The following SMPD3 variants were observed in gnomAD, a reference collection of about 807,000 sequenced individuals.
The protein encoded by SMPD3 is sphingomyelin phosphodiesterase 3.
SMPD3 carries 21 observed loss-of-function variants against 55.7 expected under a neutral mutation model. That is an observed-to-expected ratio of 0.38 (90% confidence interval 0.27 to 0.54). The LOEUF is 0.54. SMPD3 is among the 20% of genes least tolerant of loss of function. SMPD3 has a pLI of 0.80. For missense variants in SMPD3, 842 were observed against 899.6 expected (o/e 0.94, Z 0.82); for synonymous variants, 457 against 404.3 (o/e 1.13, Z -1.56).
rs371929315 is a variant in SMPD3 at position 68,371,503 on chromosome 16, C to T, written c.679G>A (p.Gly227Ser). 43 of 1,599,062 alleles carry T rather than the reference C, an allele frequency of 2.7e-5. 1 individual carries two copies. The highest frequency in any genetic ancestry group is 2.8e-5 in the Non-Finnish European group (33 of 1,179,556). The part of the protein sequence containing the change: ...GRHPGDEAAN[G>S]PASGDPVDSS... ...TCGACAGGGTCCCCAGAGGCTGGGC[C>T]GTTGGCAGCCTCGTCACCGGGGTGC... The change falls in exon 3 of 9, where the codon GGC (glycine) becomes AGC (serine). Residue 227 changes from glycine to serine, a missense_variant. This residue lies in a region of SMPD3 where 649 missense variants were observed against 643.6 expected (regional missense o/e 1.01). Transcript: ENST00000219334.
intron 2 of SMPD3, 116 bp from the exon 3 acceptor site, chr16:68,372,503 T>A: frequency 2.3e-6 from 1 of 426,044 alleles, no homozygotes; most frequent in Non-Finnish European, 4.3e-6. Context: ...AGTGGGACAG[T>A]TCTGAGAACC....
intron 2 of SMPD3, among the ~76,000 whole-genome samples, chr16:68,382,385 G>T (rs749620350): frequency 2.6e-5 from 4 of 152,246 alleles, no homozygotes; most frequent in Non-Finnish European, 5.9e-5. Flanking sequence ...GCAGGGGCAG[G>T]CTGGGCAGCA....
At chr16:68,390,166 C>T (rs532777780) in intron 1 of SMPD3, among the ~76,000 whole-genome samples, 4 of 152,180 alleles carry the variant, frequency 2.6e-5, no homozygotes, top group Non-Finnish European at 5.9e-5. Flanking sequence ...TAAACTGTCA[C>T]GGCGCTGGTG....
intron 3 of SMPD3, chr16:68,369,603 T>C (rs2089592957): frequency 6.6e-6 from 1 of 152,222 alleles, no homozygotes; most frequent in African/African-American, 2.4e-5. Context: ...CAAAAATATA[T>C]CCAGGGAACA....
intron 1 of SMPD3, among the ~76,000 whole-genome samples, chr16:68,443,867 T>C (rs2090586743): frequency 6.6e-6 from 1 of 151,964 alleles, no homozygotes; most frequent in South Asian, 2.1e-4. Flanking sequence ...ACTTCCAGAG[T>C]TTGAGATCCA....
Position 68,358,588 on chromosome 16 carries a change from C to T in SMPD3, c.*2618G>A. On this transcript the variant is annotated 3_prime_UTR_variant, in exon 9 of 9. Transcript: ENST00000219334. ...TAAAAAAGTTTTTATAACAGTATTT[C>T]TAAATCTCAGCAAGTTAAAAAGCAA... 1 of 152,670 alleles carries T rather than the reference C, an allele frequency of 6.6e-6. No individual in the cohort carries two copies. The highest frequency in any genetic ancestry group is 1.9e-4 in the East Asian group (1 of 5,344). 9.5% of individuals were successfully genotyped at this position (152,670 alleles called of 1,614,324 possible). A position where few individuals can be genotyped will look rare whatever the true frequency, so the allele number is the denominator to read the frequency against.
chr16:68,416,403 TC>T (rs1406629464), intron 1 of SMPD3, among the ~76,000 whole-genome samples: 5 of 152,118 alleles, frequency 3.3e-5, no homozygotes, highest in African/African-American at 9.7e-5. Flanking sequence ...GTCCCACTCT[TC>T]CCTCCACAAA....
intron 1 of SMPD3, among the ~76,000 whole-genome samples, chr16:68,414,916 G>A (rs747219333): frequency 6.6e-6 from 1 of 152,218 alleles, no homozygotes; most frequent in Non-Finnish European, 1.5e-5. Context: ...GACAGTGACA[G>A]TGAGAGGGAG....
intron 7 of SMPD3, among the ~76,000 whole-genome samples, chr16:68,362,667 CAT>C (rs2089344306): frequency 6.6e-6 from 1 of 152,254 alleles, no homozygotes; most frequent in Non-Finnish European, 1.5e-5. Context: ...GGCCTGCAAA[CAT>C]GGGCTTCCAC....
intron 1 of SMPD3, among the ~76,000 whole-genome samples, chr16:68,390,908 G>A (rs1402545203): frequency 6.6e-6 from 1 of 152,132 alleles, no homozygotes. Context: ...TGGCTGGTGA[G>A]AGGAGCTACC....
At chr16:68,440,847 A>T (rs2090559971) in intron 1 of SMPD3, among the ~76,000 whole-genome samples, 1 of 152,194 alleles carries the variant, frequency 6.6e-6, no homozygotes, top group Non-Finnish European at 1.5e-5. Context: ...AGAGCTCTTG[A>T]GTCATCTGGT....
At chr16:68,425,585 A>G (rs1356527669) in intron 1 of SMPD3, among the ~76,000 whole-genome samples, 3 of 152,232 alleles carry the variant, frequency 2.0e-5, no homozygotes, top group African/African-American at 7.2e-5. Context: ...AAGGATGGGC[A>G]GAAACCAAGG....
intron 1 of SMPD3, among the ~76,000 whole-genome samples, chr16:68,442,920 G>A (rs1425719917): frequency 6.6e-6 from 1 of 152,182 alleles, no homozygotes; most frequent in Non-Finnish European, 1.5e-5. Flanking sequence ...TCAGAGCTCT[G>A]CGAAGCCCCA....
intron 1 of SMPD3, among the ~76,000 whole-genome samples, chr16:68,433,984 A>G (rs1050326647): frequency 2.0e-5 from 3 of 152,100 alleles, no homozygotes; most frequent in African/African-American, 4.8e-5. Context: ...AACATACCAT[A>G]TGTTAACATT....
At chr16:68,406,979 G>A (rs1455089363) in intron 1 of SMPD3, among the ~76,000 whole-genome samples, 3 of 152,170 alleles carry the variant, frequency 2.0e-5, no homozygotes, top group Non-Finnish European at 4.4e-5. Context: ...GGGGAATCTT[G>A]TAAAATCGGA....
At chr16:68,370,569 C>G (rs1036188450) in intron 3 of SMPD3, among the ~76,000 whole-genome samples, 1 of 151,548 alleles carries the variant, frequency 6.6e-6, no homozygotes, top group Non-Finnish European at 1.5e-5. Context: ...CACCCTCTCT[C>G]CACTTTACAG....
At chr16:68,415,391 CTG>C (rs1473281351) in intron 1 of SMPD3, among the ~76,000 whole-genome samples, 2 of 152,162 alleles carry the variant, frequency 1.3e-5, no homozygotes, top group East Asian at 3.9e-4. Context: ...CTGGGTCAAA[CTG>C]TGGGGAATTC....
At chr16:68,370,416 G>T (rs1402111238) in intron 3 of SMPD3, among the ~76,000 whole-genome samples, 1 of 152,110 alleles carries the variant, frequency 6.6e-6, no homozygotes, top group Middle Eastern at 3.2e-3. Context: ...GTCTGGGCTG[G>T]TCTCTCTGCC....
chr16:68,399,123 C>A (rs1488355209), intron 1 of SMPD3, among the ~76,000 whole-genome samples: 1 of 152,256 alleles, frequency 6.6e-6, no homozygotes, highest in Non-Finnish European at 1.5e-5. Flanking sequence ...CCTCTGCCTA[C>A]ACCTCTGGGT....
Sources: gnomAD v4.1 joint callset for allele counts (sites outside exome capture counted in the v4.1 genomes callset) on GRCh38, gnomAD v4.1.1 for gene constraint, gnomAD v4.1.1 regional missense constraint, MANE v1.5 for transcripts, NCBI Gene and HGNC (gene_info 2026-07-23, HGNC 2026-07-21) for gene names.